The following KLHL14 variants were observed in gnomAD, a reference collection of about 807,000 sequenced individuals.
The protein encoded by KLHL14 is kelch like family member 14.
A neutral mutation model predicts 64.3 loss-of-function variants in KLHL14; 22 were observed. The observed-to-expected ratio is 0.34, with a 90% CI of 0.24 to 0.49. KLHL14 has a LOEUF of 0.49. KLHL14 is among the 20% of genes least tolerant of loss of function. The probability of loss-of-function intolerance (pLI) is 0.99; values close to 1 mark genes in which losing one functional copy is unlikely to be tolerated. For synonymous variants in KLHL14, 322 were observed against 333.4 expected (o/e 0.97, Z 0.37); for missense variants, 661 against 789.0 (o/e 0.84, Z 1.94).
chr18:32,715,901 G>GCC (rs1005406313), intron 3 of KLHL14, among the ~76,000 whole-genome samples: 49 of 152,246 alleles, frequency 3.2e-4, no homozygotes, highest in Non-Finnish European at 5.7e-4. Context: ...GAGAAGAGCT[G>GCC]CCCAAAGTTT....
chr18:32,680,394 G>A lies in KLHL14; in HGVS notation c.1429+15C>T, dbSNP rs1453037260. On this transcript the variant is annotated intron_variant, in intron 6 of 8. Transcript: ENST00000359358. This position sits in a 1 kb window ranked among gnomAD's most constrained non-coding sequence, Gnocchi z 4.8. ...GGAACTGAACTTTGTAACAGAAAGT[G>A]GAGGAATTACTTGCCTGAAATGTAT... 4 of 1,613,676 alleles carry A rather than the reference G, an allele frequency of 2.5e-6. No individual in the cohort carries two copies. The South Asian group carries it at 3.3e-5, about 13-fold the overall frequency.
chr18:32,739,480 T>G (rs145521234), intron 3 of KLHL14, among the ~76,000 whole-genome samples: 211 of 152,176 alleles, frequency 1.4e-3, no homozygotes, highest in African/African-American at 5.0e-3. Context: ...TGGGGCCATA[T>G]AGTCATAGTC....
chr18:32,693,413 C>CACACACACAGAGAGAGAGAGAGAG (rs1229737083), intron 4 of KLHL14, among the ~76,000 whole-genome samples: 3 of 97,030 alleles, frequency 3.1e-5, no homozygotes, highest in African/African-American at 1.5e-4. Context: ...CACACACACA[C>CACACACACAGAGAGAGAGAGAGAG]AGAGAGAGAG....
chr18:32,770,906 C>A lies in KLHL14; in HGVS notation c.-43-272G>T. ...TCCTCTCGCCACCTCCCACACACTT[C>A]GTCCCTCACTTTCCTAAAACCAACC... is the stretch of plus-strand genomic sequence containing the variant. On this transcript the variant is annotated intron_variant, in intron 1 of 8. Coordinates refer to ENST00000359358, the MANE Select transcript of KLHL14 (RefSeq NM_020805.3). This position sits in a 1 kb window ranked among gnomAD's most constrained non-coding sequence, Gnocchi z 6.7. 1 of 475,508 alleles carries A rather than the reference C, an allele frequency of 2.1e-6. No homozygotes were observed. Among genetic ancestry groups the A allele is most frequent in the South Asian group, 2.1e-5 (1 of 47,730 alleles). 29.5% of individuals were successfully genotyped at this position (475,508 alleles called of 1,614,324 possible).
Position 32,770,392 on chromosome 18 carries a change from G to C in KLHL14, c.200C>G (p.Pro67Arg). The C allele has an allele frequency of 6.3e-7, 1 of 1,595,562 alleles. No individual in the cohort carries two copies. Among genetic ancestry groups the C allele is most frequent in the Non-Finnish European group, 8.5e-7 (1 of 1,169,902 alleles). Residue 67 changes from proline to arginine, a missense_variant, in exon 2 of 9, where the codon CCT becomes CGT. Physicochemically the swap from Pro to Arg is moderately radical, Grantham distance 103. This residue lies in a region of KLHL14 where 331 missense variants were observed against 339.0 expected (regional missense o/e 0.98). Coordinates refer to ENST00000359358, the MANE Select transcript of KLHL14 (RefSeq NM_020805.3). The surrounding 1 kb of genome is among the most constrained non-coding windows in gnomAD (Gnocchi z 6.7). Reference sequence around the variant, plus strand: ...CTGGCCGCCGACCCCTCCCCCGAGAGGGGGGTGGCTGGAGAAGAGCGATCG... The same window carrying C: ...CTGGCCGCCGACCCCTCCCCCGAGACGGGGGTGGCTGGAGAAGAGCGATCG... The part of the protein sequence containing the change: ...YFRSLFSSHP[P>R]LGGGVGGQDG...
chr18:32,687,007 T>C (rs985039868), intron 5 of KLHL14, 148 bp downstream of exon 5: 7 of 629,418 alleles, frequency 1.1e-5, no homozygotes, highest in Middle Eastern at 5.2e-4. Context: ...AGGGAGGTCA[T>C]GTAAACTGGC....
intron 4 of KLHL14, among the ~76,000 whole-genome samples, chr18:32,687,646 A>G (rs560067648): frequency 1.6e-4 from 24 of 152,314 alleles, no homozygotes; most frequent in Non-Finnish European, 2.6e-4. Flanking sequence ...GGTTAGAGCC[A>G]TTTAAAAAAC....
intron 7 of KLHL14, among the ~76,000 whole-genome samples, chr18:32,679,844 G>C (rs2049829466): frequency 1.3e-5 from 2 of 152,074 alleles, no homozygotes; most frequent in African/African-American, 4.8e-5. Context: ...CAACTTTGGT[G>C]ATAAGAAATA....
At chr18:32,681,170 G>T (rs2049836862) in intron 5 of KLHL14, among the ~76,000 whole-genome samples, 1 of 152,004 alleles carries the variant, frequency 6.6e-6, no homozygotes, top group Non-Finnish European at 1.5e-5. Flanking sequence ...CCAGTTACAG[G>T]AATTTCATCT....
rs1432539716 is a variant in KLHL14, at chr18:32,673,932, A to G, written c.*725T>C. On this transcript the variant is annotated 3_prime_UTR_variant, in exon 9 of 9. Coordinates refer to ENST00000359358, the MANE Select transcript of KLHL14 (RefSeq NM_020805.3). ...AAACCTCCATGAACTGAATAGTGAC[A>G]TAATATATTTTGTTTTAATCTTTCA... is the stretch of plus-strand genomic sequence containing the variant. 6.6e-6 allele frequency: 1 copy of G among 152,182 alleles called. No individual in the cohort carries two copies. Among genetic ancestry groups the G allele is most frequent in the Non-Finnish European group, 1.5e-5 (1 of 68,032 alleles). 9.4% of individuals were successfully genotyped at this position (152,182 alleles called of 1,614,324 possible).
chr18:32,691,743 G>A (rs962867059), intron 4 of KLHL14, among the ~76,000 whole-genome samples: 1 of 152,318 alleles, frequency 6.6e-6, no homozygotes, highest in East Asian at 1.9e-4. Flanking sequence ...CCAGCAGCTT[G>A]AGAGTGGCAG....
At chr18:32,735,486 T>G (rs988855299) in intron 3 of KLHL14, among the ~76,000 whole-genome samples, 5 of 152,160 alleles carry the variant, frequency 3.3e-5, no homozygotes, top group Admixed American at 3.3e-4. Context: ...CTCTTTGAGT[T>G]CAGCCACGCA....
intron 2 of KLHL14, among the ~76,000 whole-genome samples, chr18:32,769,067 C>T (rs1206767463): frequency 6.6e-6 from 1 of 152,196 alleles, no homozygotes; most frequent in Admixed American, 6.5e-5. Flanking sequence ...CCAATAGTGA[C>T]CCTAATAGAC....
chr18:32,712,019 C>T (rs761358837), intron 3 of KLHL14, among the ~76,000 whole-genome samples: 3 of 152,132 alleles, frequency 2.0e-5, no homozygotes, highest in Admixed American at 6.6e-5. Flanking sequence ...TCTCTCAGAT[C>T]GAGGGGCTAA....
intron 2 of KLHL14, among the ~76,000 whole-genome samples, chr18:32,746,104 T>C (rs2050222537): frequency 1.3e-5 from 2 of 152,226 alleles, no homozygotes; most frequent in Admixed American, 6.5e-5. Context: ...ATATATTCTC[T>C]TCATACCTTT....
At chr18:32,732,643 A>G (rs1332504434) in intron 3 of KLHL14, among the ~76,000 whole-genome samples, 2 of 152,204 alleles carry the variant, frequency 1.3e-5, no homozygotes, top group Admixed American at 6.5e-5. Flanking sequence ...GAGTCTATCA[A>G]CCTGAGGACT....
In KLHL14 at chr18:32,683,010, A is replaced by G. The variant is rs1184250362; in HGVS notation, c.1239-2411T>C. ...GCATTAGTCTAGAAGAAAAGATGCC[A>G]CTTAGTCACAACAAGTATGAAAACC... On this transcript the variant is annotated intron_variant, in intron 5 of 8. Coordinates refer to ENST00000359358, the MANE Select transcript of KLHL14 (RefSeq NM_020805.3). The surrounding 1 kb of genome is among the most constrained non-coding windows in gnomAD (Gnocchi z 4.2). 6.6e-6 allele frequency among the ~76,000 whole-genome samples: 1 copy of G among 152,242 alleles called. No individual in the cohort carries two copies. The highest frequency in any genetic ancestry group is 1.5e-5 in the Non-Finnish European group (1 of 68,034).
rs2049855835 is a variant in KLHL14 at position 32,683,758 on chromosome 18, TCTGGCC to T, written c.1239-3165_1239-3160del. Among the ~76,000 whole-genome samples, 1 of 152,230 alleles carries T rather than the reference TCTGGCC, an allele frequency of 6.6e-6. No homozygotes were observed. The highest frequency in any genetic ancestry group is 2.4e-5 in the African/African-American group (1 of 41,462). ...ATTTTGCAGATCTTTACAAGTTCTTTCTGGCCCTTGGAGTTGTCAGTTTATATCCTA... is the reference window on the plus strand; with the variant it reads ...ATTTTGCAGATCTTTACAAGTTCTTTCTTGGAGTTGTCAGTTTATATCCTA... On this transcript the variant is annotated intron_variant, in intron 5 of 8. Transcript: ENST00000359358. This position sits in a 1 kb window ranked among gnomAD's most constrained non-coding sequence, Gnocchi z 4.2.
At chr18:32,699,090 T>C (rs187760328) in intron 3 of KLHL14, among the ~76,000 whole-genome samples, 2 of 152,220 alleles carry the variant, frequency 1.3e-5, no homozygotes, top group East Asian at 3.9e-4. Context: ...TTTAAGGCCA[T>C]ACAAATCTCA....
Sources: allele counts gnomAD v4.1 joint callset (sites outside exome capture counted in the v4.1 genomes callset), GRCh38; gene constraint gnomAD v4.1.1; regional missense constraint gnomAD v4.1.1; non-coding constraint Gnocchi (gnomAD v3.1); transcripts MANE v1.5; gene names NCBI Gene and HGNC (gene_info 2026-07-23, HGNC 2026-07-21).